The following ANO1 variants were observed in gnomAD, a reference collection of about 807,000 sequenced individuals.
ANO1 encodes the protein anoctamin 1.
In ANO1, 59 loss-of-function variants were observed where a neutral mutation model predicts 124.0. That is an observed-to-expected ratio of 0.48 (90% CI 0.39 to 0.59). The LOEUF (loss-of-function observed/expected upper bound fraction) is 0.59, where lower values mean the gene tolerates loss of function less well. Ranked by LOEUF, ANO1 falls within the 20% of genes least tolerant of loss-of-function variation. The pLI, the probability that ANO1 is intolerant of heterozygous loss-of-function variation, is 0.00. For missense variants in ANO1, 1,059 were observed against 1,328.0 expected, an observed-to-expected ratio of 0.80 and a Z score of 3.15; for synonymous variants, 529 against 532.0, an observed-to-expected ratio of 0.99 and a Z score of 0.08.
At chr11:69,991,469 T>C (rs1488588177) in intron 1 of ANO1, among the ~76,000 whole-genome samples, 1 of 152,186 alleles carries the variant, frequency 6.6e-6, no homozygotes. Flanking sequence ...CCCCCTGTCC[T>C]CTGTGACCAA....
At chr11:70,034,585 T>C (rs1306857889) in intron 1 of ANO1, among the ~76,000 whole-genome samples, 2 of 152,144 alleles carry the variant, frequency 1.3e-5, no homozygotes, top group African/African-American at 4.8e-5. Flanking sequence ...GCCCTGGCAT[T>C]TATTTTGCTG....
At chr11:69,980,279 G>T in the ANO1 span, among the ~76,000 whole-genome samples, 1 of 152,140 alleles carries the variant, frequency 6.6e-6, no homozygotes, top group Non-Finnish European at 1.5e-5. Context: ...AGGGAAGTGG[G>T]GAATGGGAGT....
chr11:70,088,753 C>A (rs2044499489), intron 2 of ANO1, among the ~76,000 whole-genome samples: 2 of 152,104 alleles, frequency 1.3e-5, no homozygotes, highest in Non-Finnish European at 2.9e-5. Context: ...GGACAAAGCT[C>A]TCCTGGGAGT....
chr11:70,099,135 A>C (rs2045145711), intron 2 of ANO1, among the ~76,000 whole-genome samples: 1 of 152,102 alleles, frequency 6.6e-6, no homozygotes, highest in African/African-American at 2.4e-5. Context: ...CATGAACCTC[A>C]AAGACCCCAG....
chr11:70,185,829 T>A, intron 25 of ANO1, 134 bp downstream of exon 25: 1 of 989,300 alleles, frequency 1.0e-6, no homozygotes, highest in African/African-American at 1.6e-5. Flanking sequence ...GAGAACTTGC[T>A]CTGGGACACC....
intron 1 of ANO1, among the ~76,000 whole-genome samples, chr11:70,081,961 A>G (rs2044214385): frequency 6.6e-6 from 1 of 152,222 alleles, no homozygotes; most frequent in South Asian, 2.1e-4. Context: ...TACCTCCCTC[A>G]GTTATGCAGA....
intron 25 of ANO1, 134 bp downstream of exon 25, chr11:70,185,829 T>C: frequency 2.0e-6 from 2 of 989,300 alleles, no homozygotes; most frequent in Non-Finnish European, 3.0e-6. Flanking sequence ...GAGAACTTGC[T>C]CTGGGACACC....
At chr11:70,050,546 C>T (rs1202904488) in intron 1 of ANO1, among the ~76,000 whole-genome samples, 13 of 152,180 alleles carry the variant, frequency 8.5e-5, no homozygotes, top group African/African-American at 3.1e-4. Flanking sequence ...CTTGGTCCCA[C>T]CTCCACCATC....
At chr11:69,979,483 G>T in the ANO1 span, among the ~76,000 whole-genome samples, 1 of 152,152 alleles carries the variant, frequency 6.6e-6, no homozygotes, top group Admixed American at 6.5e-5. Context: ...AGCTATAAAT[G>T]GGGACAATAA....
At chr11:70,061,819 G>A (rs536614034) in intron 1 of ANO1, among the ~76,000 whole-genome samples, 141 of 152,164 alleles carry the variant, frequency 9.3e-4, no homozygotes, top group African/African-American at 3.3e-3. Flanking sequence ...GCTTCAGACC[G>A]ACAACAGAGG....
At chr11:70,108,988 C>T (rs1300717080) in intron 6 of ANO1, among the ~76,000 whole-genome samples, 1 of 152,208 alleles carries the variant, frequency 6.6e-6, no homozygotes, top group African/African-American at 2.4e-5. Flanking sequence ...GGGAACCACC[C>T]CCCACAGTGG....
intron 1 of ANO1, among the ~76,000 whole-genome samples, chr11:70,047,852 A>G (rs1191598679): frequency 1.3e-5 from 2 of 152,238 alleles, no homozygotes; most frequent in African/African-American, 2.4e-5. Context: ...CTTTGGAGAC[A>G]TTAGGGTTTT....
chr11:70,115,469 C>T (rs1178025884), intron 7 of ANO1, among the ~76,000 whole-genome samples: 3 of 151,990 alleles, frequency 2.0e-5, no homozygotes, highest in African/African-American at 7.2e-5. Flanking sequence ...AAAAATTAGC[C>T]GGGTGTGGTG....
chr11:70,166,003 G>A (rs1343275518), intron 20 of ANO1, among the ~76,000 whole-genome samples: 1 of 151,986 alleles, frequency 6.6e-6, no homozygotes, highest in Non-Finnish European at 1.5e-5. Flanking sequence ...ATGGGCCACA[G>A]AGTGAGACCC....
At chr11:70,081,113 C>G (rs1370365724) in intron 1 of ANO1, among the ~76,000 whole-genome samples, 1 of 152,244 alleles carries the variant, frequency 6.6e-6, no homozygotes, top group African/African-American at 2.4e-5. Context: ...GGTTCCCAGC[C>G]TGTGACTTTT....
intron 11 of ANO1, among the ~76,000 whole-genome samples, chr11:70,148,254 C>T (rs543821891): frequency 8.5e-5 from 13 of 152,274 alleles, no homozygotes; most frequent in African/African-American, 3.1e-4. Context: ...CATTTGATCC[C>T]TCTGAGCCTC....
At chr11:70,061,077 G>T (rs1857562953) in intron 1 of ANO1, among the ~76,000 whole-genome samples, 1 of 152,164 alleles carries the variant, frequency 6.6e-6, no homozygotes, top group African/African-American at 2.4e-5. Context: ...TGGTGGTGGA[G>T]ATTGGGGTCT....
Position 70,132,113 on chromosome 11 carries a change from C to T in ANO1, c.1258+34C>T, listed in dbSNP as rs371816962. The T allele has an allele frequency of 9.0e-6, 14 of 1,554,886 alleles. No individual in the cohort carries two copies. The African/African-American group carries it at 1.8e-4, about 20-fold the overall frequency. ...GGCTCCAGAGCACTGGGTTTTTGGGCAGTGGTGAGTCTGAGTGGTACCTAG... is the reference window on the plus strand; with the variant it reads ...GGCTCCAGAGCACTGGGTTTTTGGGTAGTGGTGAGTCTGAGTGGTACCTAG... On this transcript the variant is annotated intron_variant, in intron 11 of 25. Coordinates refer to ENST00000355303, the MANE Select transcript of ANO1 (RefSeq NM_018043.7).
Position 70,013,616 on chromosome 11 carries a change from TAAAACAAAACAAAAC to T in ANO1, c.58+27470_58+27484del, listed in dbSNP as rs143661202. ...CAACATGGTGAAACCCCGTCTCCAC[TAAAACAAAACAAAAC>T]AAAACAAAACAAAACAAAAAATTAG... is the stretch of plus-strand genomic sequence containing the variant. On this transcript the variant is annotated intron_variant, in intron 1 of 27. Transcript: ENST00000531349. Among the ~76,000 whole-genome samples the T allele has an allele frequency of 4.7e-5, 7 of 148,958 alleles. No individual in the cohort carries two copies. The East Asian group carries it at 8.2e-4, about 17-fold the overall frequency.
Sources: allele counts gnomAD v4.1 joint callset (sites outside exome capture counted in the v4.1 genomes callset), GRCh38; gene constraint gnomAD v4.1.1; transcripts MANE v1.5; gene names NCBI Gene and HGNC (gene_info 2026-07-23, HGNC 2026-07-21).